CDK6: variants seen among roughly 807,000 people sequenced by gnomAD.
The protein encoded by CDK6 is cyclin-dependent kinase 6.
CDK6 carries 6 observed loss-of-function variants against 37.1 expected under a neutral mutation model. The ratio of observed to expected loss-of-function variants is 0.16; its 90% confidence interval spans 0.09 to 0.32. The LOEUF (loss-of-function observed/expected upper bound fraction) is 0.32, where lower values mean the gene tolerates loss of function less well. Among genes scored for constraint, CDK6 ranks in the 10% least tolerant of loss-of-function variants. The pLI is 1.00. For missense variants in CDK6, 224 were observed against 418.9 expected (o/e 0.53, Z 4.06); for synonymous variants, 160 against 161.3 (o/e 0.99, Z 0.06).
intron 3 of CDK6, among the ~76,000 whole-genome samples, chr7:92,751,671 T>C (rs539579786): frequency 3.9e-5 from 6 of 152,216 alleles, no homozygotes; most frequent in Non-Finnish European, 5.9e-5. Context: ...TATGCAGTGA[T>C]AAGAGTATAT....
intron 5 of CDK6, among the ~76,000 whole-genome samples, chr7:92,645,918 G>T (rs1421980689): frequency 6.6e-6 from 1 of 152,174 alleles, no homozygotes; most frequent in Non-Finnish European, 1.5e-5. Context: ...GTATGGTATT[G>T]AATTGAATGG....
intron 4 of CDK6, among the ~76,000 whole-genome samples, chr7:92,694,079 G>A (rs1157990207): frequency 6.6e-6 from 1 of 152,104 alleles, no homozygotes; most frequent in Non-Finnish European, 1.5e-5. Context: ...AGTATAGGGG[G>A]TATGTGACTA....
At chr7:92,738,850 C>T (rs1798852759) in intron 3 of CDK6, among the ~76,000 whole-genome samples, 1 of 151,592 alleles carries the variant, frequency 6.6e-6, no homozygotes, top group Non-Finnish European at 1.5e-5. Flanking sequence ...TAAACGTGCG[C>T]CTCTTGCCTT....
chr7:92,760,639 A>G (rs1040238384), intron 3 of CDK6, among the ~76,000 whole-genome samples: 1 of 152,158 alleles, frequency 6.6e-6, no homozygotes, highest in Non-Finnish European at 1.5e-5. Flanking sequence ...AAGGGTTTTA[A>G]TGTTGTATGG....
At chr7:92,658,992 A>G (rs1039797314) in intron 5 of CDK6, among the ~76,000 whole-genome samples, 11 of 152,206 alleles carry the variant, frequency 7.2e-5, no homozygotes, top group Non-Finnish European at 1.3e-4. Flanking sequence ...TCAGGAGAAG[A>G]AGGCCAGGCA....
rs553972001 is a variant in CDK6 at position 92,744,933 on chromosome 7, G to T, written c.370-19140C>A. Reference sequence around the variant, plus strand: ...TATGGTCCTAACTCTTACCTTTCTCGCTGGGCGACCTTGGGTAATTTTGTG... The same window carrying T: ...TATGGTCCTAACTCTTACCTTTCTCTCTGGGCGACCTTGGGTAATTTTGTG... On this transcript the variant is annotated intron_variant, in intron 3 of 7. Transcript: ENST00000424848. 1.5e-3 allele frequency among the ~76,000 whole-genome samples: 230 copies of T among 152,086 alleles called. 2 individuals are homozygous for T. The highest frequency in any genetic ancestry group is 5.1e-3 in the African/African-American group (211 of 41,484).
chr7:92,652,195 A>C (rs10266426), intron 5 of CDK6, among the ~76,000 whole-genome samples: 9,957 of 152,288 alleles, frequency 0.065, 1,096 homozygotes, highest in African/African-American at 0.22. Context: ...GGAAAAATGC[A>C]AGACATGATA....
intron 4 of CDK6, among the ~76,000 whole-genome samples, chr7:92,722,093 T>C (rs1252927131): frequency 6.6e-6 from 1 of 152,120 alleles, no homozygotes; most frequent in African/African-American, 2.4e-5. Flanking sequence ...TGTAAGAACA[T>C]TTTGAAGTTT....
intron 3 of CDK6, among the ~76,000 whole-genome samples, chr7:92,757,284 T>C (rs185191323): frequency 1.7e-3 from 253 of 152,278 alleles, no homozygotes; most frequent in African/African-American, 5.9e-3. Flanking sequence ...AGTTATCTTT[T>C]CTGCTCCTCT....
In CDK6 at chr7:92,663,969, G is replaced by A. The variant is rs548064902; in HGVS notation, c.647+7457C>T. On this transcript the variant is annotated intron_variant, in intron 5 of 7. Coordinates refer to ENST00000424848, the MANE Select transcript of CDK6 (RefSeq NM_001145306.2). The stretch of plus-strand genomic sequence containing the variant: ...GAGATCAAGACCACGGTGAAACCCC[G>A]TCTCTACTAAAAATACAAAAAATTA... Among the ~76,000 whole-genome samples the A allele has an allele frequency of 4.6e-5, 7 of 151,648 alleles. No homozygotes were observed. The East Asian group carries it at 5.9e-4, about 13-fold the overall frequency.
chr7:92,707,948 T>C (rs1798004091), intron 4 of CDK6, among the ~76,000 whole-genome samples: 1 of 152,178 alleles, frequency 6.6e-6, no homozygotes, highest in East Asian at 1.9e-4. Flanking sequence ...TTTAGGCATA[T>C]TTAGTTGTTT....
At chr7:92,747,281 G>C (rs1250638099) in intron 3 of CDK6, among the ~76,000 whole-genome samples, 3 of 152,078 alleles carry the variant, frequency 2.0e-5, no homozygotes, top group Non-Finnish European at 4.4e-5. Flanking sequence ...TACAGGCCCT[G>C]ATTATTTCAT....
chr7:92,783,587 C>T (rs1800050548), intron 2 of CDK6, among the ~76,000 whole-genome samples: 1 of 152,138 alleles, frequency 6.6e-6, no homozygotes, highest in African/African-American at 2.4e-5. Context: ...GTTTCAGCTT[C>T]TATCTATATA....
intron 5 of CDK6, among the ~76,000 whole-genome samples, chr7:92,655,153 G>A (rs1006886400): frequency 1.3e-5 from 2 of 151,698 alleles, no homozygotes; most frequent in Non-Finnish European, 2.9e-5. Flanking sequence ...GCCACCAAAT[G>A]GATTTTTCAA....
At chr7:92,822,876 T>G (rs576289304) in intron 2 of CDK6, among the ~76,000 whole-genome samples, 6 of 152,218 alleles carry the variant, frequency 3.9e-5, no homozygotes, top group African/African-American at 1.4e-4. Flanking sequence ...GTTTCAGAGT[T>G]TGAAGTTTAT....
chr7:92,784,812 T>C (rs115406723), intron 2 of CDK6, among the ~76,000 whole-genome samples: 2,902 of 152,286 alleles, frequency 0.019, 97 homozygotes, highest in African/African-American at 0.067. Flanking sequence ...TAAATATTTA[T>C]TGAATAAATG....
intron 2 of CDK6, among the ~76,000 whole-genome samples, chr7:92,796,243 ATATT>A (rs1301893732): frequency 2.0e-5 from 3 of 152,014 alleles, no homozygotes; most frequent in Admixed American, 6.6e-5. Context: ...AGACATATGG[ATATT>A]TAATCACTAC....
intron 5 of CDK6, among the ~76,000 whole-genome samples, chr7:92,637,152 CTA>C (rs1269495667): frequency 3.3e-5 from 5 of 152,154 alleles, no homozygotes; most frequent in Admixed American, 6.5e-5. Context: ...GTACTTAAGA[CTA>C]TGTGGCCACA....
At chr7:92,782,173 T>C (rs1279812962) in intron 2 of CDK6, among the ~76,000 whole-genome samples, 1 of 152,186 alleles carries the variant, frequency 6.6e-6, no homozygotes, top group Non-Finnish European at 1.5e-5. Context: ...CTTTACTATC[T>C]AGTTGTGGGA....
Sources: allele counts gnomAD v4.1 joint callset (sites outside exome capture counted in the v4.1 genomes callset), GRCh38; gene constraint gnomAD v4.1.1; transcripts MANE v1.5; gene names NCBI Gene and HGNC (gene_info 2026-07-23, HGNC 2026-07-21).